BAHCC1: variants seen among roughly 807,000 people sequenced by gnomAD.
BAHCC1 encodes BAH domain and coiled-coil containing 1.
BAHCC1 carries 43 observed loss-of-function variants against 88.2 expected under a neutral mutation model. That is an observed-to-expected ratio of 0.49 (90% CI 0.38 to 0.63). BAHCC1 has a LOEUF of 0.63. Among genes scored for constraint, BAHCC1 ranks in the 20% least tolerant of loss-of-function variants. BAHCC1 has a pLI of 0.00. For missense variants in BAHCC1, 3,023 were observed against 1,654.8 expected, an observed-to-expected ratio of 1.83 and a Z score of -14.34; for synonymous variants, 1,510 against 745.5, an observed-to-expected ratio of 2.03 and a Z score of -16.71.
Position 81,461,381 on chromosome 17 carries a change from C to A in BAHCC1, c.6718C>A (p.Pro2240Thr). ...GGACTTCAGCCCCAAGCTCGGGCGG[C>A]CCCTGCCCAGCCCCAGCTATGTGCA... ...DKDFSPKLGR[P>T]LPSPSYVHPA... is the part of the protein sequence containing the mutation. The change falls in exon 26 of 28, where the codon CCC (proline) becomes ACC (threonine). Residue 2240 changes from proline to threonine, a missense_variant. Transcript: ENST00000675386. 1 of 721,828 alleles carries A rather than the reference C, an allele frequency of 1.4e-6. No homozygotes were observed. The highest frequency in any genetic ancestry group is 2.6e-6 in the Non-Finnish European group (1 of 392,086). The allele number at this position is 721,828 out of a possible 1,614,324, so 44.7% of individuals were successfully genotyped here. A position where few individuals can be genotyped will look rare whatever the true frequency, so the allele number is the denominator to read the frequency against.
At chr17:81,422,779 TAGTTG>T in intron 2 of BAHCC1, 1 of 442,872 alleles carries the variant, frequency 2.3e-6, no homozygotes, top group Non-Finnish European at 4.5e-6. Context: ...CTTTTGGACT[TAGTTG>T]CTTCCCACCA....
At position 81,445,149 on chromosome 17, in the gene BAHCC1, T is replaced by C. The variant is rs2064500545; in HGVS notation, c.2806T>C (p.Leu936=). The C allele has an allele frequency of 1.3e-6, 1 of 773,164 alleles. No individual in the cohort carries two copies. The highest frequency in any genetic ancestry group is 2.4e-6 in the Non-Finnish European group (1 of 415,626). 47.9% of individuals were successfully genotyped at this position (773,164 alleles called of 1,614,324 possible). Residue 936 remains leucine, a synonymous_variant, in exon 9 of 28, where the codon TTG becomes CTG. Coordinates refer to ENST00000675386, the MANE Select transcript of BAHCC1 (RefSeq NM_001377448.1). ...QLLRQQELYA[L]QQQRAAQFQR... is the part of the protein sequence containing the mutation. ...CCTCCGGCAGCAGGAGCTCTATGCT[T>C]TGCAGCAGCAGAGGGCCGCCCAGTT...
In BAHCC1 at chr17:81,444,455, T is replaced by A. The variant is rs1555653689; in HGVS notation, c.2399T>A (p.Leu800His). Residue 800 changes from leucine (L) to histidine (H), a missense_variant, in exon 7 of 28, where the codon CTC becomes CAC. Leu to His is a moderately conservative substitution (Grantham distance 99, BLOSUM62 -3). Transcript: ENST00000675386. The part of the protein sequence containing the change: ...SSCPGDLAPH[L>H]MMQSGQLGGD... ...TGCCCTGGGGACCTGGCCCCCCACC[T>A]CATGATGCAGAGCGGCCAGCTGGGC... 1 of 737,790 alleles carries A rather than the reference T, an allele frequency of 1.4e-6. No individual in the cohort carries two copies. The highest frequency in any genetic ancestry group is 2.5e-6 in the Non-Finnish European group (1 of 398,300). The allele number at this position is 737,790 out of a possible 1,614,324, so 45.7% of individuals were successfully genotyped here.
intron 2 of BAHCC1, among the ~76,000 whole-genome samples, chr17:81,419,411 G>A (rs1332099055): frequency 6.6e-6 from 1 of 152,280 alleles, no homozygotes; most frequent in Non-Finnish European, 1.5e-5. Context: ...ATGTGGGGCA[G>A]GGCCAGCAGG....
At chr17:81,397,397 A>AG (rs2063756873) in intron 1 of BAHCC1, among the ~76,000 whole-genome samples, 1 of 144,326 alleles carries the variant, frequency 6.9e-6, no homozygotes, top group Admixed American at 6.8e-5. Context: ...ATTGGAGAGA[A>AG]AAAAAAAAAA....
intron 16 of BAHCC1, among the ~76,000 whole-genome samples, chr17:81,456,814 C>A (rs1598508623): frequency 1.3e-5 from 2 of 152,190 alleles, no homozygotes; most frequent in Admixed American, 1.3e-4. Context: ...CATGCCTCAC[C>A]CCCATGTCAG....
Position 81,444,737 on chromosome 17 carries a change from C to T in BAHCC1, c.2582C>T (p.Pro861Leu). ...GFPASVAGPV[P>L]SVFPLPQDAP... ...CCCGCCTCCGTGGCTGGCCCTGTGCCCTCTGTCTTCCCCCTCCCACAGGAC... is the reference window on the plus strand; with the variant it reads ...CCCGCCTCCGTGGCTGGCCCTGTGCTCTCTGTCTTCCCCCTCCCACAGGAC... Residue 861 changes from proline to leucine, a missense_variant, in exon 8 of 28, where the codon CCC becomes CTC. Coordinates refer to ENST00000675386, the MANE Select transcript of BAHCC1 (RefSeq NM_001377448.1). 1.3e-6 allele frequency: 1 copy of T among 778,620 alleles called. No individual in the cohort carries two copies. The highest frequency in any genetic ancestry group is 2.4e-5 in the East Asian group (1 of 41,234). The allele number at this position is 778,620 out of a possible 1,614,324, so 48.2% of individuals were successfully genotyped here.
At chr17:81,458,770 C>A (rs781963628) in intron 19 of BAHCC1, 43 bp from the exon 20 acceptor site, 4 of 753,436 alleles carry the variant, frequency 5.3e-6, no homozygotes, top group Non-Finnish European at 9.9e-6. Flanking sequence ...CCCACCTGCA[C>A]CCCGCCTGCA....
intron 4 of BAHCC1, 147 bp from the exon 5 acceptor site, chr17:81,441,684 A>G: frequency 2.4e-6 from 1 of 423,140 alleles, no homozygotes; most frequent in South Asian, 9.6e-5. Flanking sequence ...AAAAAAAAAA[A>G]AAAAAAGAGC....
In BAHCC1 at chr17:81,443,289, G is replaced by A. The variant is rs782564571; in HGVS notation, c.1940G>A (p.Gly647Asp). 4 of 779,486 alleles carry A rather than the reference G, an allele frequency of 5.1e-6. No individual in the cohort carries two copies. The highest frequency in any genetic ancestry group is 1.3e-5 in the South Asian group (1 of 74,628). The allele number at this position is 779,486 out of a possible 1,614,324, so 48.3% of individuals were successfully genotyped here. Reference protein sequence around the residue: ...LKYSSQALVVGQKAPLVGLGG... With the variant: ...LKYSSQALVVDQKAPLVGLGG... ...TACAGCAGCCAGGCCCTGGTGGTGG[G>A]CCAGAAAGCACCCTTGGTGGGCCTG... The change falls in exon 5 of 28, where the codon GGC becomes GAC. Residue 647 changes from glycine (G) to aspartate (D), a missense_variant. Physicochemically the swap from Gly to Asp is moderately conservative, Grantham distance 94. Coordinates refer to ENST00000675386, the MANE Select transcript of BAHCC1 (RefSeq NM_001377448.1).
At chr17:81,400,784 G>A (rs1283906290) in intron 2 of BAHCC1, 1 of 154,324 alleles carries the variant, frequency 6.5e-6, no homozygotes, top group African/African-American at 2.4e-5. Context: ...TTGGCAGAGC[G>A]GGCCCAGGCC....
intron 4 of BAHCC1, among the ~76,000 whole-genome samples, chr17:81,440,589 C>T (rs969422509): frequency 6.6e-6 from 1 of 152,194 alleles, no homozygotes; most frequent in Non-Finnish European, 1.5e-5. Flanking sequence ...TGGAGAGGGA[C>T]AGCACCCCCA....
intron 14 of BAHCC1, among the ~76,000 whole-genome samples, chr17:81,453,700 G>A (rs2064691259): frequency 6.6e-6 from 1 of 152,070 alleles, no homozygotes; most frequent in Non-Finnish European, 1.5e-5. Context: ...GGGCAGGACA[G>A]GGCCCCTGGA....
intron 14 of BAHCC1, among the ~76,000 whole-genome samples, 183 bp from the exon 15 acceptor site, chr17:81,455,084 G>T (rs1159189257): frequency 6.6e-6 from 1 of 152,186 alleles, no homozygotes; most frequent in Non-Finnish European, 1.5e-5. Context: ...GCAGGCAGGT[G>T]CTCAGAGGAG....
chr17:81,408,210 G>A (rs62072956), intron 2 of BAHCC1, among the ~76,000 whole-genome samples: 24,619 of 152,120 alleles, frequency 0.16, 2,734 homozygotes, highest in African/African-American at 0.31. Flanking sequence ...ATTCCAGTGC[G>A]TGGCGAATGC....
chr17:81,397,521 A>AAGC (rs2063758646), intron 1 of BAHCC1, among the ~76,000 whole-genome samples: 1 of 151,814 alleles, frequency 6.6e-6, no homozygotes, highest in East Asian at 1.9e-4. Context: ...GGCGCCTTTG[A>AAGC]AGCTGCAGGT....
At chr17:81,455,963 C>G (rs997951922) in intron 15 of BAHCC1, among the ~76,000 whole-genome samples, 9 of 152,302 alleles carry the variant, frequency 5.9e-5, no homozygotes, top group African/African-American at 2.2e-4. Context: ...GGGGGCTGAT[C>G]CTTCTGCCCA....
chr17:81,456,778 T>A (rs1030515986), intron 16 of BAHCC1, among the ~76,000 whole-genome samples, 193 bp downstream of exon 16: 3 of 151,780 alleles, frequency 2.0e-5, no homozygotes, highest in African/African-American at 7.3e-5. Context: ...GAGACCCCCA[T>A]CCCCAGGCAG....
Position 81,399,572 on chromosome 17 carries a change from G to A in BAHCC1, c.-168G>A, listed in dbSNP as rs1366239625. On this transcript the variant is annotated 5_prime_UTR_variant, in exon 2 of 28. Transcript: ENST00000675386. The surrounding 1 kb of genome is among the most constrained non-coding windows in gnomAD (Gnocchi z 4.5). ...ACAGCGGCCGCTGGCTCGGTGCGCG[G>A]CCGCCCGCCGAGAAGCCCAGTCCTC... The A allele has an allele frequency of 7.3e-6, 3 of 409,512 alleles. No individual in the cohort carries two copies. Among genetic ancestry groups the A allele is most frequent in the South Asian group, 1.8e-5 (1 of 54,364 alleles). The allele number at this position is 409,512 out of a possible 1,614,324, so 25.4% of individuals were successfully genotyped here. A position where few individuals can be genotyped will look rare whatever the true frequency, so the allele number is the denominator to read the frequency against.
Sources: allele counts gnomAD v4.1 joint callset (sites outside exome capture counted in the v4.1 genomes callset), GRCh38; gene constraint gnomAD v4.1.1; non-coding constraint Gnocchi (gnomAD v3.1); transcripts MANE v1.5; gene names NCBI Gene and HGNC (gene_info 2026-07-23, HGNC 2026-07-21).